Variants in TNNC1 observed in about 807,000 individuals in gnomAD.
The protein encoded by TNNC1 is troponin C, slow skeletal and cardiac muscles.
A neutral mutation model predicts 19.6 loss-of-function variants in TNNC1; 10 were observed. The observed-to-expected ratio is 0.51, with a 90% CI of 0.31 to 0.87. TNNC1 has a LOEUF of 0.87. Among genes scored for constraint, TNNC1 ranks in the 40% least tolerant of loss-of-function variants. The pLI is 0.04. For missense variants in TNNC1, 115 were observed against 219.8 expected (o/e 0.52, Z 3.02); for synonymous variants, 85 against 80.1 (o/e 1.06, Z -0.33).
intron 1 of TNNC1, among the ~76,000 whole-genome samples, chr3:52,453,709 T>C (rs564549220): frequency 6.6e-6 from 1 of 152,296 alleles, no homozygotes; most frequent in South Asian, 2.1e-4. Context: ...CAGAGACATG[T>C]GGCTGAGCGA....
Position 52,451,890 on chromosome 3 carries a change from C to T in TNNC1, c.203-32G>A, listed in dbSNP as rs781245165. The T allele has an allele frequency of 1.9e-6, 3 of 1,601,232 alleles. No homozygotes were observed. Among genetic ancestry groups the T allele is most frequent in the African/African-American group, 2.7e-5 (2 of 74,584 alleles). On this transcript the variant is annotated intron_variant, in intron 3 of 5. Coordinates refer to ENST00000232975, the MANE Select transcript of TNNC1 (RefSeq NM_003280.3). The surrounding 1 kb of genome is among the most constrained non-coding windows in gnomAD (Gnocchi z 4.8). Reference sequence around the variant, plus strand: ...GTGGGCAGCATGGCCGTTACAGAGGCCAGGGTAGGTACTGCAGGCAGCACC... The same window carrying T: ...GTGGGCAGCATGGCCGTTACAGAGGTCAGGGTAGGTACTGCAGGCAGCACC...
intron 1 of TNNC1, 119 bp downstream of exon 1, chr3:52,453,873 G>T: frequency 8.2e-7 from 1 of 1,226,032 alleles, no homozygotes; most frequent in Non-Finnish European, 1.2e-6. Context: ...TGGGTTGAAG[G>T]CACGTAGGCC....
In TNNC1 at chr3:52,452,407, G is replaced by A; in HGVS notation, c.55+76C>T. On this transcript the variant is annotated intron_variant, in intron 2 of 5. Transcript: ENST00000232975. This position sits in a 1 kb window ranked among gnomAD's most constrained non-coding sequence, Gnocchi z 5.2. Reference sequence around the variant, plus strand: ...GACCAAGCCTCTGGTCTCTGGCCTGGGGTCCTCTTCTGATAAGGGGTCCCC... The same window carrying A: ...GACCAAGCCTCTGGTCTCTGGCCTGAGGTCCTCTTCTGATAAGGGGTCCCC... The A allele has an allele frequency of 1.3e-6, 2 of 1,591,688 alleles. No homozygotes were observed. The highest frequency in any genetic ancestry group is 1.3e-5 in the African/African-American group (1 of 74,648).
rs768019683 is a variant in TNNC1, at chr3:52,451,239, G to A, written c.*36C>T. The A allele has an allele frequency of 5.6e-6, 9 of 1,613,864 alleles. No individual in the cohort carries two copies. In the East Asian group the frequency reaches 2.0e-4, roughly 36 times the overall value. ...ACCCCAGGACTCAGCTGGAGTTGGAGGCTGGGCATAGGCAGCTCTGGGTGA... is the reference window on the plus strand; with the variant it reads ...ACCCCAGGACTCAGCTGGAGTTGGAAGCTGGGCATAGGCAGCTCTGGGTGA... On this transcript the variant is annotated 3_prime_UTR_variant, in exon 6 of 6. Coordinates refer to ENST00000232975, the MANE Select transcript of TNNC1 (RefSeq NM_003280.3). This position sits in a 1 kb window ranked among gnomAD's most constrained non-coding sequence, Gnocchi z 4.8.
At position 52,451,579 on chromosome 3, in the gene TNNC1, CA is replaced by C. The variant is rs752066204; in HGVS notation, c.318-53del. ...CTGTGGGGAGGGCATGAGGCAGCCC[CA>C]CCCATGCCCCAGGAGGCAGAGCAGG... is the stretch of plus-strand genomic sequence containing the variant. On this transcript the variant is annotated intron_variant, in intron 4 of 5. Coordinates refer to ENST00000232975, the MANE Select transcript of TNNC1 (RefSeq NM_003280.3). The surrounding 1 kb of genome is among the most constrained non-coding windows in gnomAD (Gnocchi z 4.8). The C allele has an allele frequency of 9.1e-5, 147 of 1,611,606 alleles. No individual in the cohort carries two copies. Among genetic ancestry groups the C allele is most frequent in the South Asian group, 3.2e-4 (29 of 90,988 alleles).
At position 52,452,999 on chromosome 3, in the gene TNNC1, C is replaced by T. The variant is rs139003751; in HGVS notation, c.25-486G>A. 3.7e-3 allele frequency among the ~76,000 whole-genome samples: 567 copies of T among 152,364 alleles called. 4 individuals are homozygous for T. Among genetic ancestry groups the T allele is most frequent in the South Asian group, 0.019 (93 of 4,830 alleles). ...GGGTGGGGCAGCGTTATCTGGCCCC[C>T]TGGCCTGCTAGTGCCGCCTCAGAAG... On this transcript the variant is annotated intron_variant, in intron 1 of 5. Transcript: ENST00000232975. This position sits in a 1 kb window ranked among gnomAD's most constrained non-coding sequence, Gnocchi z 5.2.
In TNNC1 at chr3:52,452,125, G is replaced by A. The variant is rs764114178; in HGVS notation, c.183C>T (p.Ile61=). Residue 61 remains isoleucine (I), a synonymous_variant, in exon 3 of 6, where the codon ATC becomes ATT. Coordinates refer to ENST00000232975, the MANE Select transcript of TNNC1 (RefSeq NM_003280.3). This position sits in a 1 kb window ranked among gnomAD's most constrained non-coding sequence, Gnocchi z 5.2. ...GCTCACCGTCCTCGTCCACCTCATC[G>A]ATCATCTCCTGCAGCTCCTCAGGGG... The part of the protein sequence containing the change: ...NPTPEELQEM[I]DEVDEDGSGT... The A allele has an allele frequency of 1.2e-5, 19 of 1,613,790 alleles. No homozygotes were observed. The Middle Eastern group carries it at 4.9e-4, about 42-fold the overall frequency.
Position 52,451,923 on chromosome 3 carries a change from C to G in TNNC1, c.203-65G>C. 3 of 1,548,820 alleles carry G rather than the reference C, an allele frequency of 1.9e-6. No individual in the cohort carries two copies. Among genetic ancestry groups the G allele is most frequent in the South Asian group, 2.2e-5 (2 of 89,782 alleles). ...GGTACTGCAGGCAGCACCTTCGACA[C>G]GAACCCCCATGTTCTCACCGCATCC... On this transcript the variant is annotated intron_variant, in intron 3 of 5. Transcript: ENST00000232975. This position sits in a 1 kb window ranked among gnomAD's most constrained non-coding sequence, Gnocchi z 4.8.
chr3:52,452,765 T>C lies in TNNC1; in HGVS notation c.25-252A>G, dbSNP rs1020903155. The C allele has an allele frequency of 1.7e-5, 10 of 583,740 alleles. No individual in the cohort carries two copies. The highest frequency in any genetic ancestry group is 1.1e-4 in the African/African-American group (6 of 53,388). The allele number at this position is 583,740 out of a possible 1,614,324, so 36.2% of individuals were successfully genotyped here. On this transcript the variant is annotated intron_variant, in intron 1 of 5. Coordinates refer to ENST00000232975, the MANE Select transcript of TNNC1 (RefSeq NM_003280.3). The surrounding 1 kb of genome is among the most constrained non-coding windows in gnomAD (Gnocchi z 5.2). The stretch of plus-strand genomic sequence containing the variant: ...GGACCAAGGTGACCCTCAGTAACAA[T>C]AGTCAGTGACCACTCAATGCCCTTT...
chr3:52,453,744 G>A (rs541160424), intron 1 of TNNC1, among the ~76,000 whole-genome samples: 1 of 152,292 alleles, frequency 6.6e-6, no homozygotes, highest in African/African-American at 2.4e-5. Context: ...ACAGACACTT[G>A]GAAACAGAGA....
rs1288299355 is a variant in TNNC1, at chr3:52,452,348, C to T, written c.56-96G>A. 1 of 1,592,936 alleles carries T rather than the reference C, an allele frequency of 6.3e-7. No homozygotes were observed. The highest frequency in any genetic ancestry group is 8.5e-7 in the Non-Finnish European group (1 of 1,171,780). On this transcript the variant is annotated intron_variant, in intron 2 of 5. Transcript: ENST00000232975. This position sits in a 1 kb window ranked among gnomAD's most constrained non-coding sequence, Gnocchi z 5.2. ...GGGCCACCTGCCAACCTGCCCACCT[C>T]CCTCGGAGACCTCTCTGAGGGCAGA...
At position 52,451,323 on chromosome 3, in the gene TNNC1, A is replaced by G. The variant is rs1485690581; in HGVS notation, c.455-17T>C. ...CCAGGAACTCTGTGGAAAGAGGGGC[A>G]GGTGTGGGTTGAGGGTAGGGGCTGG... is the stretch of plus-strand genomic sequence containing the variant. On this transcript the variant is annotated splice_polypyrimidine_tract_variant and intron_variant, in intron 5 of 5. Transcript: ENST00000232975. This position sits in a 1 kb window ranked among gnomAD's most constrained non-coding sequence, Gnocchi z 4.8. The G allele has an allele frequency of 6.2e-7, 1 of 1,614,036 alleles. No homozygotes were observed. Among genetic ancestry groups the G allele is most frequent in the South Asian group, 1.1e-5 (1 of 91,082 alleles).
Position 52,452,113 on chromosome 3 carries a change from G to A in TNNC1, c.195C>T (p.Asp65=), listed in dbSNP as rs370426309. The A allele has an allele frequency of 3.6e-5, 58 of 1,613,714 alleles. No individual in the cohort carries two copies. Among genetic ancestry groups the A allele is most frequent in the African/African-American group, 6.7e-5 (5 of 74,912 alleles). Residue 65 remains aspartate, a synonymous_variant, in exon 3 of 6, where the codon GAC becomes GAT. Coordinates refer to ENST00000232975, the MANE Select transcript of TNNC1 (RefSeq NM_003280.3). The surrounding 1 kb of genome is among the most constrained non-coding windows in gnomAD (Gnocchi z 5.2). ...GGGGAGGAGGGGGCTCACCGTCCTCGTCCACCTCATCGATCATCTCCTGCA... is the reference window on the plus strand; with the variant it reads ...GGGGAGGAGGGGGCTCACCGTCCTCATCCACCTCATCGATCATCTCCTGCA... ...EELQEMIDEV[D]EDGSGTVDFD... is the part of the protein sequence containing the mutation.
Position 52,451,175 on chromosome 3 carries a change from TG to T in TNNC1, c.*99del. On this transcript the variant is annotated 3_prime_UTR_variant, in exon 6 of 6. Coordinates refer to ENST00000232975, the MANE Select transcript of TNNC1 (RefSeq NM_003280.3). The surrounding 1 kb of genome is among the most constrained non-coding windows in gnomAD (Gnocchi z 4.8). ...GTCGGGGGATTTGGGGTTGAGGACA[TG>T]GCCAGGCTCAGGTCCTGGGACCCCG... 1.4e-6 allele frequency: 2 copies of T among 1,401,914 alleles called. No individual in the cohort carries two copies. The highest frequency in any genetic ancestry group is 1.2e-5 in the South Asian group (1 of 85,464). 86.8% of individuals were successfully genotyped at this position (1,401,914 alleles called of 1,614,324 possible).
Position 52,452,325 on chromosome 3 carries a change from G to T in TNNC1, c.56-73C>A. ...GACCACGGAGGGCCAGAACCCTGGG[G>T]CCACCTGCCAACCTGCCCACCTCCC... On this transcript the variant is annotated intron_variant, in intron 2 of 5. Coordinates refer to ENST00000232975, the MANE Select transcript of TNNC1 (RefSeq NM_003280.3). The surrounding 1 kb of genome is among the most constrained non-coding windows in gnomAD (Gnocchi z 5.2). 2 of 1,600,748 alleles carry T rather than the reference G, an allele frequency of 1.2e-6. No homozygotes were observed. The highest frequency in any genetic ancestry group is 1.7e-6 in the Non-Finnish European group (2 of 1,178,200).
rs763584637 is a variant in TNNC1, at chr3:52,451,509, G to T, written c.336C>A (p.Ile112=). 3 of 1,614,096 alleles carry T rather than the reference G, an allele frequency of 1.9e-6. No homozygotes were observed. In the South Asian group the frequency reaches 3.3e-5, roughly 18 times the overall value. The change falls in exon 5 of 6, where the codon ATC becomes ATA. Residue 112 remains isoleucine (I), a synonymous_variant. Transcript: ENST00000232975. This position sits in a 1 kb window ranked among gnomAD's most constrained non-coding sequence, Gnocchi z 4.8. ...RMFDKNADGY[I]DLDELKIMLQ... is the part of the protein sequence containing the mutation. ...GCATTATCTTCAGCTCATCCAGGTCGATGTAGCCATCAGCATTTCTGTGGG... is the reference window on the plus strand; with the variant it reads ...GCATTATCTTCAGCTCATCCAGGTCTATGTAGCCATCAGCATTTCTGTGGG...
rs199709697 is a variant in TNNC1, at chr3:52,451,540, G to T, written c.318-13C>A. The T allele has an allele frequency of 6.2e-7, 1 of 1,614,006 alleles. No individual in the cohort carries two copies. The highest frequency in any genetic ancestry group is 2.2e-5 in the East Asian group (1 of 44,876). On this transcript the variant is annotated splice_polypyrimidine_tract_variant and intron_variant, in intron 4 of 5. Coordinates refer to ENST00000232975, the MANE Select transcript of TNNC1 (RefSeq NM_003280.3). This position sits in a 1 kb window ranked among gnomAD's most constrained non-coding sequence, Gnocchi z 4.8. ...GCCATCAGCATTTCTGTGGGGAGGG[G>T]GCTCAGGGTAGGGCTGTGGGGAGGG... is the stretch of plus-strand genomic sequence containing the variant.
intron 1 of TNNC1, 130 bp downstream of exon 1, chr3:52,453,862 C>A: frequency 9.0e-7 from 1 of 1,105,070 alleles, no homozygotes; most frequent in South Asian, 1.4e-5. Context: ...CTGTGAGGGC[C>A]TGGGTTGAAG....
chr3:52,451,726 C>T lies in TNNC1; in HGVS notation c.317+18G>A, dbSNP rs905452034. On this transcript the variant is annotated intron_variant, in intron 4 of 5. Coordinates refer to ENST00000232975, the MANE Select transcript of TNNC1 (RefSeq NM_003280.3). The surrounding 1 kb of genome is among the most constrained non-coding windows in gnomAD (Gnocchi z 4.8). ...TTGAGTGTGGGTCAGGGTCAGAGGT[C>T]AAGGGTCACGTGCTCACTTGTCAAA... The T allele has an allele frequency of 9.3e-6, 15 of 1,611,498 alleles. No individual in the cohort carries two copies. Among genetic ancestry groups the T allele is most frequent in the Middle Eastern group, 1.6e-4 (1 of 6,076 alleles).
Sources: allele counts gnomAD v4.1 joint callset (sites outside exome capture counted in the v4.1 genomes callset), GRCh38; gene constraint gnomAD v4.1.1; non-coding constraint Gnocchi (gnomAD v3.1); transcripts MANE v1.5; gene names NCBI Gene and HGNC (gene_info 2026-07-23, HGNC 2026-07-21).